TUSC3: variants seen among roughly 807,000 people sequenced by gnomAD.
TUSC3 encodes tumor suppressor candidate 3, also known as dolichyl-diphosphooligosaccharide--protein glycosyltransferase subunit TUSC3.
A neutral mutation model predicts 44.8 loss-of-function variants in TUSC3; 45 were observed. The observed-to-expected ratio is 1.00, with a 90% confidence interval of 0.79 to 1.29. The LOEUF (loss-of-function observed/expected upper bound fraction) is 1.29. TUSC3 is among the 50% of genes most tolerant of loss of function. The probability of loss-of-function intolerance (pLI) is 0.00; values close to 1 mark genes in which losing one functional copy is unlikely to be tolerated. For missense variants in TUSC3, 519 were observed against 437.9 expected, an observed-to-expected ratio of 1.19 and a Z score of -1.65; for synonymous variants, 212 against 152.9, an observed-to-expected ratio of 1.39 and a Z score of -2.85.
At chr8:15,809,040 G>T in the TUSC3 span, among the ~76,000 whole-genome samples, 6 of 152,134 alleles carry the variant, frequency 3.9e-5, no homozygotes, top group Non-Finnish European at 5.9e-5. Flanking sequence ...ACAAGGGTTG[G>T]TGGGAGGAAA....
chr8:15,520,137 A>G (rs577218900), intron 2 of TUSC3, among the ~76,000 whole-genome samples: 5 of 152,146 alleles, frequency 3.3e-5, no homozygotes, highest in African/African-American at 4.8e-5. Context: ...TAGTCACACA[A>G]TCTCTTTGTC....
intron 1 of TUSC3, among the ~76,000 whole-genome samples, chr8:15,428,912 C>T (rs562633453): frequency 6.6e-6 from 1 of 152,120 alleles, no homozygotes; most frequent in Non-Finnish European, 1.5e-5. Context: ...TTCTCCCATT[C>T]TGTAGGTTGC....
chr8:15,597,083 G>T (rs1243566319), intron 1 of TUSC3, among the ~76,000 whole-genome samples: 2 of 152,092 alleles, frequency 1.3e-5, no homozygotes, highest in African/African-American at 2.4e-5. Context: ...GGGTGGTACA[G>T]TAGGAAGAGG....
At chr8:15,509,033 G>T (rs946585025) in intron 2 of TUSC3, among the ~76,000 whole-genome samples, 8 of 152,160 alleles carry the variant, frequency 5.3e-5, no homozygotes, top group African/African-American at 1.9e-4. Flanking sequence ...AGAATGAGAG[G>T]GAAGTGTTGA....
At chr8:15,599,378 C>T (rs1331747719) in intron 1 of TUSC3, among the ~76,000 whole-genome samples, 2 of 151,490 alleles carry the variant, frequency 1.3e-5, no homozygotes, top group African/African-American at 2.4e-5. Flanking sequence ...GTTTGTGAGT[C>T]GTCTTCTTAT....
chr8:15,538,324 GTT>G (rs1801557979), upstream of TUSC3, among the ~76,000 whole-genome samples: 1 of 152,170 alleles, frequency 6.6e-6, no homozygotes, highest in Admixed American at 6.5e-5. Context: ...ATGAATTGTT[GTT>G]TGCTGAAATA....
rs559414243 is a variant in TUSC3 at position 15,689,497 on chromosome 8, C to T, written c.798+15661C>T. On this transcript the variant is annotated intron_variant, in intron 6 of 10. Transcript: ENST00000503731. ...TCTTCTTCACTGGCGCCAGCCACTC[C>T]GTTCCCCAGGACAGGATCCCCAGGG... The T allele has an allele frequency of 2.4e-4, 41 of 172,228 alleles. 1 individual carries two copies. Among genetic ancestry groups the T allele is most frequent in the South Asian group, 2.2e-3 (20 of 9,056 alleles). The allele number at this position is 172,228 out of a possible 1,614,324, so 10.7% of individuals were successfully genotyped here. A position where few individuals can be genotyped will look rare whatever the true frequency, so the allele number is the denominator to read the frequency against.
intron 1 of TUSC3, among the ~76,000 whole-genome samples, chr8:15,606,402 A>G (rs1048641535): frequency 3.1e-4 from 47 of 152,218 alleles, no homozygotes; most frequent in Middle Eastern, 6.8e-3. Flanking sequence ...TCTGGTCAGC[A>G]GTAAGCTTTT....
chr8:15,660,921 A>G (rs1035157340), intron 4 of TUSC3, among the ~76,000 whole-genome samples: 6 of 150,222 alleles, frequency 4.0e-5, no homozygotes, highest in Admixed American at 1.3e-4. Context: ...AAAAAAAAAA[A>G]CCCATAAAAC....
At chr8:15,526,080 T>C (rs1380507909) in intron 2 of TUSC3, among the ~76,000 whole-genome samples, 3 of 152,016 alleles carry the variant, frequency 2.0e-5, no homozygotes, top group African/African-American at 7.2e-5. Context: ...TCGTCCAGGC[T>C]GGAGTGCAGT....
intron 1 of TUSC3, among the ~76,000 whole-genome samples, chr8:15,453,323 AAAATGAATAAGTATAT>A (rs1800217083): frequency 6.6e-6 from 1 of 152,226 alleles, no homozygotes; most frequent in South Asian, 2.1e-4. Context: ...ATTACTAAAT[AAAATGAATAAGTATAT>A]ATACTTATTC....
chr8:15,534,819 C>T (rs1336587330), intron 2 of TUSC3, among the ~76,000 whole-genome samples: 2 of 152,110 alleles, frequency 1.3e-5, no homozygotes, highest in Non-Finnish European at 2.9e-5. Context: ...GTACAGGAAT[C>T]AGAAGTGAGG....
At chr8:15,528,378 TA>T (rs1801404503) in intron 2 of TUSC3, among the ~76,000 whole-genome samples, 1 of 152,236 alleles carries the variant, frequency 6.6e-6, no homozygotes, top group South Asian at 2.1e-4. Context: ...TCATTAATTT[TA>T]AAAGTTCGAT....
upstream of TUSC3, among the ~76,000 whole-genome samples, chr8:15,538,877 T>C (rs1031292856): frequency 2.6e-5 from 4 of 151,820 alleles, no homozygotes; most frequent in Non-Finnish European, 2.9e-5. Context: ...GGAGACAGGG[T>C]TTTGCTCTGT....
intron 6 of TUSC3, among the ~76,000 whole-genome samples, chr8:15,717,936 TTAGACATTTTTA>T: frequency 6.6e-6 from 1 of 152,108 alleles, no homozygotes; most frequent in East Asian, 1.9e-4. Context: ...CCTTGCATGA[TTAGACATTTTTA>T]AGTATATATA....
chr8:15,650,663 A>G (rs750467768), intron 2 of TUSC3, 34 bp from the exon 3 acceptor site: 2 of 1,578,730 alleles, frequency 1.3e-6, no homozygotes, highest in Non-Finnish European at 8.7e-7. Flanking sequence ...TTCAGTACTG[A>G]TGTGTTTCTA....
chr8:15,559,895 GTC>G (rs1370498264), intron 1 of TUSC3, among the ~76,000 whole-genome samples: 10 of 100,914 alleles, frequency 9.9e-5, no homozygotes, highest in Non-Finnish European at 1.4e-4. Context: ...GTCTATGTGT[GTC>G]TCTGCACGTG....
the TUSC3 span, among the ~76,000 whole-genome samples, chr8:15,833,852 AAAG>A: frequency 6.6e-6 from 1 of 152,134 alleles, no homozygotes. Context: ...TAAAAAAAAA[AAAG>A]GTGTTTTAAA....
At chr8:15,800,937 T>C in the TUSC3 span, among the ~76,000 whole-genome samples, 1 of 152,204 alleles carries the variant, frequency 6.6e-6, no homozygotes. Flanking sequence ...TAATCATCTA[T>C]ACAACAAATA....
Sources: gnomAD v4.1 joint callset for allele counts (sites outside exome capture counted in the v4.1 genomes callset) on GRCh38, gnomAD v4.1.1 for gene constraint, MANE v1.5 for transcripts, NCBI Gene and HGNC (gene_info 2026-07-23, HGNC 2026-07-21) for gene names.